Variants in CNTN5 observed in about 807,000 individuals in gnomAD.
CNTN5 encodes the protein contactin-5.
CNTN5 carries 77 observed loss-of-function variants against 129.1 expected under a neutral mutation model. That is an observed-to-expected ratio of 0.60 (90% CI 0.50 to 0.72). The LOEUF (loss-of-function observed/expected upper bound fraction) is 0.72, where lower values mean the gene tolerates loss of function less well. Among genes scored for constraint, CNTN5 ranks in the 30% least tolerant of loss-of-function variants. CNTN5 has a pLI of 0.00. For missense variants in CNTN5, 1,478 were observed against 1,328.8 expected, an observed-to-expected ratio of 1.11 and a Z score of -1.75; for synonymous variants, 509 against 465.6, an observed-to-expected ratio of 1.09 and a Z score of -1.20.
rs202005945 is a variant in CNTN5, at chr11:99,866,210, A to C, written c.577+20948A>C. Among the ~76,000 whole-genome samples the C allele has an allele frequency of 2.0e-5, 3 of 152,302 alleles. No homozygotes were observed. In the East Asian group the frequency reaches 5.8e-4, roughly 29 times the overall value. ...TCTCTAGTGCACTTCTGAGTACAGA[A>C]AACCAATAACCCAAACTTTTTTCCC... On this transcript the variant is annotated intron_variant, in intron 6 of 24. Coordinates refer to ENST00000524871, the MANE Select transcript of CNTN5 (RefSeq NM_014361.4).
At chr11:99,719,253 A>G (rs147292049) in intron 3 of CNTN5, among the ~76,000 whole-genome samples, 1,657 of 151,984 alleles carry the variant, frequency 0.011, 104 homozygotes, top group Admixed American at 0.094. Context: ...CCAGAGATAA[A>G]AGGTTGCAGT....
chr11:99,239,684 C>G lies in CNTN5; in HGVS notation c.-209-85662C>G, dbSNP rs183016797. Among the ~76,000 whole-genome samples, 1,028 of 152,214 alleles carry G rather than the reference C, an allele frequency of 6.8e-3. 11 individuals carry two copies. Among genetic ancestry groups the G allele is most frequent in the African/African-American group, 0.023 (964 of 41,524 alleles). ...GGCGCGGTGGCTCACGCCTGTAATCCCAGCACTTTGGGAGGCCGAGGCGGG... is the reference window on the plus strand; with the variant it reads ...GGCGCGGTGGCTCACGCCTGTAATCGCAGCACTTTGGGAGGCCGAGGCGGG... On this transcript the variant is annotated intron_variant, in intron 1 of 24. Coordinates refer to ENST00000524871, the MANE Select transcript of CNTN5 (RefSeq NM_014361.4).
chr11:99,186,702 G>C (rs1264544220), intron 1 of CNTN5, among the ~76,000 whole-genome samples: 2 of 151,952 alleles, frequency 1.3e-5, no homozygotes, highest in Non-Finnish European at 2.9e-5. Flanking sequence ...CAATGGGACA[G>C]ATTCTTTTCT....
chr11:99,223,490 T>C (rs1860510748), intron 1 of CNTN5, among the ~76,000 whole-genome samples: 6 of 152,158 alleles, frequency 3.9e-5, no homozygotes, highest in Admixed American at 3.9e-4. Context: ...CTAAAGTCAG[T>C]AGTAATAAAC....
chr11:100,220,897 C>A (rs1440245089), intron 15 of CNTN5, among the ~76,000 whole-genome samples: 1 of 152,170 alleles, frequency 6.6e-6, no homozygotes, highest in African/African-American at 2.4e-5. Context: ...GGAAAAGGGG[C>A]AGCAGGGCCA....
intron 13 of CNTN5, among the ~76,000 whole-genome samples, chr11:100,136,280 G>A (rs1257082926): frequency 1.3e-5 from 2 of 151,894 alleles, no homozygotes; most frequent in Non-Finnish European, 2.9e-5. Flanking sequence ...CAATATAAAT[G>A]GAAATAAAAT....
intron 3 of CNTN5, among the ~76,000 whole-genome samples, chr11:99,815,745 T>C (rs990531920): frequency 3.9e-5 from 6 of 152,162 alleles, no homozygotes; most frequent in Admixed American, 6.5e-5. Flanking sequence ...TTGAATTGAT[T>C]TAACAAAAGT....
chr11:99,056,063 A>G (rs1864612169), intron 1 of CNTN5, among the ~76,000 whole-genome samples: 1 of 152,022 alleles, frequency 6.6e-6, no homozygotes. Context: ...CTCCAGTAAC[A>G]TGGATATGGG....
intron 6 of CNTN5, among the ~76,000 whole-genome samples, chr11:99,871,256 G>A (rs7120903): frequency 1.3e-5 from 2 of 151,868 alleles, no homozygotes; most frequent in African/African-American, 4.8e-5. Flanking sequence ...AATATTAAGC[G>A]AAAATTATAA....
At position 100,333,408 on chromosome 11, in the gene CNTN5, GAAAAAAA is replaced by G. The variant is rs547220238; in HGVS notation, c.2731-7037_2731-7031del. Among the ~76,000 whole-genome samples the G allele has an allele frequency of 6.7e-5, 5 of 74,276 alleles. 1 individual carries two copies. Among genetic ancestry groups the G allele is most frequent in the Admixed American group, 1.8e-4 (1 of 5,578 alleles). 48.7% of individuals were successfully genotyped at this position (74,276 alleles called of 152,430 possible). ...ACCACCATCATTCTTCACTGAATTA[GAAAAAAA>G]AAAAAAAAAAAAAAAAACACCTAAA... On this transcript the variant is annotated intron_variant, in intron 21 of 24. Coordinates refer to ENST00000524871, the MANE Select transcript of CNTN5 (RefSeq NM_014361.4).
chr11:99,786,803 G>A (rs1439040960), intron 3 of CNTN5, among the ~76,000 whole-genome samples: 1 of 152,166 alleles, frequency 6.6e-6, no homozygotes, highest in Non-Finnish European at 1.5e-5. Context: ...CTAGCCATAT[G>A]CAGAAAACTG....
At chr11:100,080,192 G>C (rs764842051) in intron 13 of CNTN5, among the ~76,000 whole-genome samples, 1 of 152,092 alleles carries the variant, frequency 6.6e-6, no homozygotes, top group Non-Finnish European at 1.5e-5. Context: ...CCCAGGCAGA[G>C]TAAGGTAACA....
chr11:99,925,444 A>T (rs973444074), intron 7 of CNTN5, among the ~76,000 whole-genome samples: 2 of 152,104 alleles, frequency 1.3e-5, no homozygotes, highest in Admixed American at 1.3e-4. Context: ...TCCTTTTAAC[A>T]CTCCTTCATT....
rs533079867 is a variant in CNTN5, at chr11:99,501,621, AT to A, written c.-70-54523del. Among the ~76,000 whole-genome samples the A allele has an allele frequency of 9.3e-4, 141 of 152,330 alleles. 1 individual carries two copies. Among genetic ancestry groups the A allele is most frequent in the Admixed American group, 1.6e-3 (25 of 15,300 alleles). On this transcript the variant is annotated intron_variant, in intron 2 of 24. Coordinates refer to ENST00000524871, the MANE Select transcript of CNTN5 (RefSeq NM_014361.4). ...TAGGACAAAAAAAGTTTTGAATTTTATCCACAGGTAAAAGATATTTTTGTTA... is the reference window on the plus strand; with the variant it reads ...TAGGACAAAAAAAGTTTTGAATTTTACCACAGGTAAAAGATATTTTTGTTA...
At chr11:99,490,178 A>G (rs1008693222) in intron 2 of CNTN5, among the ~76,000 whole-genome samples, 2 of 152,210 alleles carry the variant, frequency 1.3e-5, no homozygotes, top group Admixed American at 1.3e-4. Context: ...CTGTGATATT[A>G]ATTAGTCTTA....
chr11:99,932,512 A>G (rs1950216022), intron 7 of CNTN5, among the ~76,000 whole-genome samples: 1 of 152,166 alleles, frequency 6.6e-6, no homozygotes, highest in Admixed American at 6.6e-5. Flanking sequence ...CATTTTTTAA[A>G]GTACATACCT....
intron 21 of CNTN5, among the ~76,000 whole-genome samples, chr11:100,311,905 T>C (rs1951480631): frequency 6.6e-6 from 1 of 152,052 alleles, no homozygotes; most frequent in African/African-American, 2.4e-5. Flanking sequence ...ATCAGCTTCA[T>C]TCAAAATAAC....
chr11:99,690,301 C>T (rs1412160242), intron 3 of CNTN5, among the ~76,000 whole-genome samples: 4 of 151,974 alleles, frequency 2.6e-5, no homozygotes, highest in Non-Finnish European at 4.4e-5. Context: ...CCTGTTCTTT[C>T]ACCAGTACCA....
intron 21 of CNTN5, chr11:100,309,197 C>T: frequency 1.0e-6 from 1 of 985,006 alleles, no homozygotes; most frequent in Non-Finnish European, 1.2e-6. Context: ...TGACCCAAGA[C>T]TTTAGTTGCA....
Sources: allele counts gnomAD v4.1 joint callset (sites outside exome capture counted in the v4.1 genomes callset), GRCh38; gene constraint gnomAD v4.1.1; transcripts MANE v1.5; gene names NCBI Gene and HGNC (gene_info 2026-07-23, HGNC 2026-07-21).